Variants in JARID2 observed in about 807,000 individuals in gnomAD.
JARID2 encodes jumonji and AT-rich interaction domain containing 2.
JARID2 carries 21 observed loss-of-function variants against 125.6 expected under a neutral mutation model. The ratio of observed to expected loss-of-function variants is 0.17; its 90% CI spans 0.12 to 0.24. The LOEUF (loss-of-function observed/expected upper bound fraction) is 0.24. Ranked by LOEUF, JARID2 falls within the 10% of genes least tolerant of loss-of-function variation. JARID2 has a pLI of 1.00. For synonymous variants in JARID2, 736 were observed against 661.6 expected, an observed-to-expected ratio of 1.11 and a Z score of -1.73; for missense variants, 1,303 against 1,639.6, an observed-to-expected ratio of 0.79 and a Z score of 3.55.
intron 2 of JARID2, among the ~76,000 whole-genome samples, chr6:15,383,648 C>A (rs1352648094): frequency 2.6e-5 from 4 of 152,140 alleles, no homozygotes; most frequent in Admixed American, 6.5e-5. Context: ...CACCTTTAAA[C>A]CCCTCACGTT....
rs80273612 is a variant in JARID2 at position 15,417,131 on chromosome 6, T to A, written c.323+6766T>A. On this transcript the variant is annotated intron_variant, in intron 3 of 17. Transcript: ENST00000341776. The stretch of plus-strand genomic sequence containing the variant: ...GACTAAAATAGAGAGCAAGATTAAC[T>A]GTTTATTTTTATCTGTGGGTGAGTA... 7.2e-3 allele frequency among the ~76,000 whole-genome samples: 1,099 copies of A among 152,160 alleles called. 14 individuals are homozygous for A. The highest frequency in any genetic ancestry group is 0.025 in the African/African-American group (1,045 of 41,526).
At chr6:15,336,221 C>G (rs954103867) in intron 1 of JARID2, among the ~76,000 whole-genome samples, 1 of 152,180 alleles carries the variant, frequency 6.6e-6, no homozygotes, top group African/African-American at 2.4e-5. Flanking sequence ...AACTGAAAAA[C>G]AGGTGGGGAA....
rs576297522 is a variant in JARID2 at position 15,282,681 on chromosome 6, C to T, written c.45+36097C>T. ...GTGCAATGGCGAGATCTCAGCTCACCGCAACCTCCACCTCCTGGGTTCCTA... is the reference window on the plus strand; with the variant it reads ...GTGCAATGGCGAGATCTCAGCTCACTGCAACCTCCACCTCCTGGGTTCCTA... On this transcript the variant is annotated intron_variant, in intron 1 of 17. Coordinates refer to ENST00000341776, the MANE Select transcript of JARID2 (RefSeq NM_004973.4). Among the ~76,000 whole-genome samples the T allele has an allele frequency of 1.1e-4, 16 of 151,944 alleles. No individual in the cohort carries two copies. The East Asian group carries it at 1.8e-3, about 17-fold the overall frequency.
rs1032050006 is a variant in JARID2, at chr6:15,324,097, T to A, written c.46-50020T>A. Reference sequence around the variant, plus strand: ...CTCAGGCTGAGGCAGGAGAATGGCATGAACCGGGGAGGCAGAGCTTGCAGT... The same window carrying A: ...CTCAGGCTGAGGCAGGAGAATGGCAAGAACCGGGGAGGCAGAGCTTGCAGT... On this transcript the variant is annotated intron_variant, in intron 1 of 17. Transcript: ENST00000341776. 3.4e-5 allele frequency among the ~76,000 whole-genome samples: 5 copies of A among 149,028 alleles called. No homozygotes were observed. The East Asian group carries it at 7.9e-4, about 24-fold the overall frequency.
intron 6 of JARID2, among the ~76,000 whole-genome samples, chr6:15,489,201 A>T (rs1006031126): frequency 6.6e-6 from 1 of 152,194 alleles, no homozygotes; most frequent in Non-Finnish European, 1.5e-5. Flanking sequence ...GTTTTTGTTT[A>T]TCTTCTATTC....
At chr6:15,360,043 C>T (rs1763738169) in intron 1 of JARID2, among the ~76,000 whole-genome samples, 1 of 152,120 alleles carries the variant, frequency 6.6e-6, no homozygotes, top group Admixed American at 6.5e-5. Context: ...AACCTCATCT[C>T]TTATGAGTTA....
Position 15,520,159 on chromosome 6 carries a change from A to G in JARID2, c.3649A>G (p.Lys1217Glu), listed in dbSNP as rs759507252. 3 of 1,614,068 alleles carry G rather than the reference A, an allele frequency of 1.9e-6. No homozygotes were observed. ...GAACTGTCTCAGTAAACCCACACCA[A>G]AAAGAGGTCCCCGCAAGAGAGCGAC... is the stretch of plus-strand genomic sequence containing the variant. ...IENCLSKPTPKRGPRKRATVD... is the reference protein window; with the variant it reads ...IENCLSKPTPERGPRKRATVD... Residue 1217 changes from lysine to glutamate, a missense_variant, in exon 18 of 18, where the codon AAA (lysine) becomes GAA (glutamate). Lys to Glu is a moderately conservative substitution (Grantham distance 56). This residue lies in a region of JARID2 where 75 missense variants were observed against 66.0 expected (regional missense o/e 1.14). Coordinates refer to ENST00000341776, the MANE Select transcript of JARID2 (RefSeq NM_004973.4).
chr6:15,284,822 G>A (rs1760931437), intron 1 of JARID2, among the ~76,000 whole-genome samples: 3 of 152,068 alleles, frequency 2.0e-5, no homozygotes, highest in South Asian at 4.1e-4. Flanking sequence ...ACAAAATAAG[G>A]TTGAAAAAGA....
At chr6:15,512,883 T>C in intron 14 of JARID2, 32 bp from the exon 15 acceptor site, 2 of 1,601,356 alleles carry the variant, frequency 1.2e-6, no homozygotes, top group Non-Finnish European at 1.7e-6. Context: ...GTAATGAAAA[T>C]CCACCCTAAA....
intron 1 of JARID2, among the ~76,000 whole-genome samples, chr6:15,363,492 A>T (rs1447618235): frequency 6.6e-6 from 1 of 151,260 alleles, no homozygotes; most frequent in Non-Finnish European, 1.5e-5. Context: ...TGTACCTCTC[A>T]CTCTTTCCAC....
At chr6:15,400,948 A>AGG in intron 2 of JARID2, 1 of 1,289,404 alleles carries the variant, frequency 7.8e-7, no homozygotes, top group Non-Finnish European at 1.0e-6. Context: ...TCCGGCTCTG[A>AGG]GGATGGCTGC....
intron 4 of JARID2, among the ~76,000 whole-genome samples, chr6:15,466,977 T>C (rs1385028368): frequency 2.0e-5 from 3 of 152,230 alleles, no homozygotes; most frequent in Admixed American, 2.0e-4. Context: ...AAGACCAAGT[T>C]GAAATCTTCT....
At chr6:15,354,618 G>T (rs1349118776) in intron 1 of JARID2, among the ~76,000 whole-genome samples, 1 of 152,162 alleles carries the variant, frequency 6.6e-6, no homozygotes, top group Non-Finnish European at 1.5e-5. Flanking sequence ...AAATGAGCAT[G>T]TACTTAACAT....
At chr6:15,269,409 C>CGT (rs902883403) in intron 1 of JARID2, among the ~76,000 whole-genome samples, 6 of 151,916 alleles carry the variant, frequency 3.9e-5, no homozygotes, top group Admixed American at 3.9e-4. Context: ...CCCAGGCTGG[C>CGT]GTGTGGTGGT....
intron 5 of JARID2, among the ~76,000 whole-genome samples, chr6:15,470,156 G>T (rs575292854): frequency 2.8e-4 from 40 of 142,134 alleles, no homozygotes; most frequent in Non-Finnish European, 5.1e-4. Flanking sequence ...CAGCTTGGGC[G>T]ACAGAGCGAG....
chr6:15,281,794 C>T (rs1037561086), intron 1 of JARID2, among the ~76,000 whole-genome samples: 5 of 152,210 alleles, frequency 3.3e-5, no homozygotes, highest in Non-Finnish European at 7.3e-5. Context: ...ATTTAGGAGG[C>T]ACTCAGTAGA....
chr6:15,429,064 G>T (rs1465676613), intron 3 of JARID2, among the ~76,000 whole-genome samples: 1 of 151,932 alleles, frequency 6.6e-6, no homozygotes, highest in Non-Finnish European at 1.5e-5. Flanking sequence ...TGTCTTGCCT[G>T]TGTTTGGGTG....
At chr6:15,257,652 G>A (rs17619730) in intron 1 of JARID2, among the ~76,000 whole-genome samples, 6,370 of 152,232 alleles carry the variant, frequency 0.042, 222 homozygotes, top group South Asian at 0.15. Context: ...AGAAGTGCCC[G>A]TATTTACGTT....
At chr6:15,442,877 G>T (rs1354216894) in intron 3 of JARID2, among the ~76,000 whole-genome samples, 1 of 152,020 alleles carries the variant, frequency 6.6e-6, no homozygotes, top group Non-Finnish European at 1.5e-5. Context: ...AAACATAATT[G>T]AATAATTTTA....
Sources: allele counts gnomAD v4.1 joint callset (sites outside exome capture counted in the v4.1 genomes callset), GRCh38; gene constraint gnomAD v4.1.1; regional missense constraint gnomAD v4.1.1; transcripts MANE v1.5; gene names NCBI Gene and HGNC (gene_info 2026-07-23, HGNC 2026-07-21).